The following NXPH1 variants were observed in gnomAD, a reference collection of about 807,000 sequenced individuals.
NXPH1 encodes the protein neurexophilin 1.
Under a neutral mutation model 23.7 loss-of-function variants are expected in NXPH1, and 5 were observed. The ratio of observed to expected loss-of-function variants is 0.21; its 90% CI spans 0.11 to 0.44. NXPH1 has a LOEUF of 0.44. Ranked by LOEUF, NXPH1 falls within the 20% of genes least tolerant of loss-of-function variation. The probability of loss-of-function intolerance (pLI) is 0.99; values close to 1 mark genes in which losing one functional copy is unlikely to be tolerated. For synonymous variants in NXPH1, 144 were observed against 122.2 expected (o/e 1.18, Z -1.18); for missense variants, 324 against 321.6 (o/e 1.01, Z -0.06).
At chr7:8,478,404 TAAGAA>T (rs1817012625) in intron 2 of NXPH1, among the ~76,000 whole-genome samples, 1 of 151,978 alleles carries the variant, frequency 6.6e-6, no homozygotes. Flanking sequence ...AAATATCAGT[TAAGAA>T]AGAATAAACA....
chr7:8,503,178 T>G (rs551767466), intron 2 of NXPH1, among the ~76,000 whole-genome samples: 18 of 152,186 alleles, frequency 1.2e-4, no homozygotes, highest in African/African-American at 4.3e-4. Flanking sequence ...ATCAAAACAT[T>G]GATAACTGGA....
At chr7:8,655,683 A>G (rs1820570524) in intron 2 of NXPH1, among the ~76,000 whole-genome samples, 1 of 152,102 alleles carries the variant, frequency 6.6e-6, no homozygotes, top group Non-Finnish European at 1.5e-5. Flanking sequence ...CCTTGTATGG[A>G]AATATCTATG....
At chr7:8,742,931 T>C (rs901990678) in intron 2 of NXPH1, among the ~76,000 whole-genome samples, 29 of 152,236 alleles carry the variant, frequency 1.9e-4, no homozygotes, top group Non-Finnish European at 2.8e-4. Context: ...CTGAAGACTT[T>C]GCTATTGACC....
chr7:8,546,107 C>G (rs545379562), intron 2 of NXPH1, among the ~76,000 whole-genome samples: 4 of 151,528 alleles, frequency 2.6e-5, no homozygotes, highest in African/African-American at 9.7e-5. Context: ...GCTGAAACCT[C>G]TTTTTCATAT....
intron 2 of NXPH1, among the ~76,000 whole-genome samples, chr7:8,532,677 C>T (rs1248115923): frequency 6.6e-6 from 1 of 152,114 alleles, no homozygotes. Context: ...TGGGCTCCAT[C>T]ACAGAGATTC....
chr7:8,472,544 G>C (rs1041335273), intron 2 of NXPH1, among the ~76,000 whole-genome samples: 5 of 152,144 alleles, frequency 3.3e-5, no homozygotes, highest in African/African-American at 4.8e-5. Flanking sequence ...TTTGCCTCTA[G>C]TGCTGTCAGA....
chr7:8,577,351 T>C (rs1050001119), intron 2 of NXPH1, among the ~76,000 whole-genome samples: 1 of 152,220 alleles, frequency 6.6e-6, no homozygotes, highest in South Asian at 2.1e-4. Context: ...GGTATGTGTC[T>C]TCTCCCACTA....
chr7:8,489,448 C>T (rs1484488157), intron 2 of NXPH1, among the ~76,000 whole-genome samples: 2 of 152,044 alleles, frequency 1.3e-5, no homozygotes, highest in East Asian at 1.9e-4. Context: ...CCAGGTACTT[C>T]ACTTGGGTAG....
intron 2 of NXPH1, among the ~76,000 whole-genome samples, chr7:8,586,576 A>C (rs879400168): frequency 3.3e-5 from 5 of 151,892 alleles, no homozygotes; most frequent in Non-Finnish European, 5.9e-5. Context: ...ATTAAGGAAC[A>C]GCATGACCAA....
chr7:8,601,628 A>T (rs1819363985), intron 2 of NXPH1, among the ~76,000 whole-genome samples: 1 of 152,190 alleles, frequency 6.6e-6, no homozygotes, highest in African/African-American at 2.4e-5. Context: ...GAAAATAGGG[A>T]CAAGTCCCAT....
chr7:8,517,421 C>T (rs1359004424), intron 2 of NXPH1, among the ~76,000 whole-genome samples: 1 of 152,076 alleles, frequency 6.6e-6, no homozygotes, highest in East Asian at 1.9e-4. Flanking sequence ...ATGGCTGAAG[C>T]ATAGAAGCTG....
At chr7:8,536,502 C>T (rs764851591) in intron 2 of NXPH1, among the ~76,000 whole-genome samples, 2 of 151,906 alleles carry the variant, frequency 1.3e-5, no homozygotes, top group Non-Finnish European at 2.9e-5. Context: ...GCCTAGTTAA[C>T]TGGTAGCTGA....
intron 2 of NXPH1, among the ~76,000 whole-genome samples, chr7:8,641,892 C>G (rs899524860): frequency 6.6e-6 from 1 of 152,154 alleles, no homozygotes; most frequent in East Asian, 1.9e-4. Flanking sequence ...TTATCCTCTT[C>G]ACTCAATGAA....
chr7:8,599,807 A>ATT (rs57462739), intron 2 of NXPH1, among the ~76,000 whole-genome samples: 7,468 of 145,152 alleles, frequency 0.051, 320 homozygotes, highest in East Asian at 0.17. Context: ...AGATAGGAAG[A>ATT]TTTTTTTTTT....
chr7:8,600,970 C>T (rs1170699767), intron 2 of NXPH1, among the ~76,000 whole-genome samples: 1 of 151,402 alleles, frequency 6.6e-6, no homozygotes, highest in Non-Finnish European at 1.5e-5. Flanking sequence ...GCATAAAAAC[C>T]ATTTACATAA....
intron 2 of NXPH1, among the ~76,000 whole-genome samples, chr7:8,703,246 G>T (rs920192484): frequency 6.6e-6 from 1 of 152,130 alleles, no homozygotes; most frequent in Admixed American, 6.6e-5. Context: ...GATTCTGATC[G>T]CTACCACACC....
chr7:8,582,411 C>T (rs775966572), intron 2 of NXPH1, among the ~76,000 whole-genome samples: 7 of 152,100 alleles, frequency 4.6e-5, no homozygotes, highest in African/African-American at 1.7e-4. Flanking sequence ...AACTGGAGGG[C>T]GAGCAAGGTG....
intron 2 of NXPH1, among the ~76,000 whole-genome samples, chr7:8,666,588 G>T (rs936079398): frequency 2.0e-5 from 3 of 151,944 alleles, no homozygotes; most frequent in African/African-American, 7.2e-5. Flanking sequence ...TAATTTATTG[G>T]AAGACTTCAA....
chr7:8,593,126 A>C (rs1220111844), intron 2 of NXPH1, among the ~76,000 whole-genome samples: 1 of 151,818 alleles, frequency 6.6e-6, no homozygotes, highest in East Asian at 1.9e-4. Flanking sequence ...CTGGTGTATA[A>C]ATTTTAGTCC....
Sources: allele counts gnomAD v4.1 joint callset (sites outside exome capture counted in the v4.1 genomes callset), GRCh38; gene constraint gnomAD v4.1.1; transcripts MANE v1.5; gene names NCBI Gene and HGNC (gene_info 2026-07-23, HGNC 2026-07-21).